The following NKAIN3 variants were observed in gnomAD, a reference collection of about 807,000 sequenced individuals.
NKAIN3 encodes sodium/potassium transporting ATPase interacting 3, also known as sodium/potassium-transporting ATPase subunit beta-1-interacting protein 3.
A neutral mutation model predicts 30.2 loss-of-function variants in NKAIN3; 25 were observed. The ratio of observed to expected loss-of-function variants is 0.83; its 90% confidence interval spans 0.60 to 1.16. The LOEUF (loss-of-function observed/expected upper bound fraction) is 1.16, where lower values mean the gene tolerates loss of function less well. Among genes scored for constraint, NKAIN3 ranks in the 50% most tolerant of loss-of-function variants. The pLI is 0.00. For synonymous variants in NKAIN3, 91 were observed against 89.6 expected, an observed-to-expected ratio of 1.02 and a Z score of -0.09; for missense variants, 225 against 254.1, an observed-to-expected ratio of 0.89 and a Z score of 0.78.
At chr8:62,299,567 T>C (rs1389699880) in intron 1 of NKAIN3, among the ~76,000 whole-genome samples, 2 of 152,310 alleles carry the variant, frequency 1.3e-5, no homozygotes, top group Non-Finnish European at 1.5e-5. Context: ...TATTTTATCA[T>C]TACCTTTTTT....
chr8:62,286,091 C>G (rs1813371264), intron 1 of NKAIN3, among the ~76,000 whole-genome samples: 1 of 152,054 alleles, frequency 6.6e-6, no homozygotes, highest in South Asian at 2.1e-4. Flanking sequence ...ATCAAAATGA[C>G]TTTAAAATAG....
At chr8:62,630,389 A>T (rs902578559) in intron 3 of NKAIN3, among the ~76,000 whole-genome samples, 4 of 152,154 alleles carry the variant, frequency 2.6e-5, no homozygotes, top group Non-Finnish European at 5.9e-5. Context: ...ACAGCAGACA[A>T]TTATAATGGG....
intron 4 of NKAIN3, among the ~76,000 whole-genome samples, chr8:62,843,712 G>A (rs2130763290): frequency 6.6e-6 from 1 of 152,204 alleles, no homozygotes; most frequent in Admixed American, 6.5e-5. Flanking sequence ...TAATAAATTT[G>A]TGCTTTTTAA....
intron 1 of NKAIN3, among the ~76,000 whole-genome samples, chr8:62,537,043 C>G (rs2129869977): frequency 6.6e-6 from 1 of 152,232 alleles, no homozygotes; most frequent in African/African-American, 2.4e-5. Context: ...GCATCAAGCC[C>G]TATAGCACTT....
intron 5 of NKAIN3, among the ~76,000 whole-genome samples, chr8:62,922,547 A>G (rs1170569823): frequency 6.6e-6 from 1 of 152,204 alleles, no homozygotes; most frequent in Non-Finnish European, 1.5e-5. Context: ...TTCAGAGTAG[A>G]AAACCAGTCC....
At position 62,579,261 on chromosome 8, in the gene NKAIN3, C is replaced by A. The variant is rs535408451; in HGVS notation, c.55-278C>A. 3.6e-4 allele frequency among the ~76,000 whole-genome samples: 54 copies of A among 151,974 alleles called. 1 individual carries two copies. The highest frequency in any genetic ancestry group is 3.4e-3 in the Middle Eastern group (1 of 294). ...AACATAAAAAATCTGTCTGGATTTTCTACTGTAGAAAATGATTTAAGAGGT... is the reference window on the plus strand; with the variant it reads ...AACATAAAAAATCTGTCTGGATTTTATACTGTAGAAAATGATTTAAGAGGT... On this transcript the variant is annotated intron_variant, in intron 1 of 6. Coordinates refer to ENST00000623646, the MANE Select transcript of NKAIN3 (RefSeq NM_001304533.3).
intron 4 of NKAIN3, among the ~76,000 whole-genome samples, chr8:62,868,961 C>G (rs147880733): frequency 9.2e-5 from 14 of 152,144 alleles, no homozygotes; most frequent in Non-Finnish European, 1.9e-4. Context: ...AGGATTAGAT[C>G]TTTTCTCCTT....
chr8:62,396,758 G>A (rs976401717), intron 1 of NKAIN3, among the ~76,000 whole-genome samples: 5 of 152,052 alleles, frequency 3.3e-5, no homozygotes, highest in African/African-American at 1.2e-4. Context: ...AACTATTCTT[G>A]TGTTAATCAC....
intron 1 of NKAIN3, among the ~76,000 whole-genome samples, chr8:62,345,394 C>CATATGTAT (rs1554669231): frequency 5.3e-4 from 6 of 11,356 alleles, no homozygotes; most frequent in African/African-American, 9.2e-4. Context: ...TATATACACA[C>CATATGTAT]ATATACACAT....
intron 1 of NKAIN3, among the ~76,000 whole-genome samples, chr8:62,334,653 T>C (rs1585692344): frequency 6.6e-6 from 1 of 152,106 alleles, no homozygotes; most frequent in East Asian, 1.9e-4. Context: ...ACATAACAAA[T>C]CACCCCAAAA....
At chr8:62,337,995 T>A (rs990416953) in intron 1 of NKAIN3, among the ~76,000 whole-genome samples, 6 of 152,018 alleles carry the variant, frequency 3.9e-5, no homozygotes, top group Non-Finnish European at 8.8e-5. Flanking sequence ...GGAAAAAACT[T>A]TTCACAAATT....
intron 3 of NKAIN3, among the ~76,000 whole-genome samples, chr8:62,674,539 A>G (rs1299292942): frequency 6.6e-6 from 1 of 152,246 alleles, no homozygotes; most frequent in African/African-American, 2.4e-5. Context: ...AGAGAATGGT[A>G]TCACTGTTGT....
chr8:62,894,931 A>G (rs1013728231), intron 4 of NKAIN3, among the ~76,000 whole-genome samples: 2 of 152,220 alleles, frequency 1.3e-5, no homozygotes, highest in Admixed American at 6.5e-5. Context: ...GAACAAAAGG[A>G]TATCACTCCC....
intron 1 of NKAIN3, among the ~76,000 whole-genome samples, chr8:62,427,194 T>G (rs1804833764): frequency 6.6e-6 from 1 of 152,074 alleles, no homozygotes; most frequent in African/African-American, 2.4e-5. Flanking sequence ...AGGTTAACTG[T>G]AAATTTAAAT....
At chr8:62,806,331 G>T (rs773213294) in intron 4 of NKAIN3, among the ~76,000 whole-genome samples, 13 of 152,164 alleles carry the variant, frequency 8.5e-5, no homozygotes, top group Admixed American at 1.3e-4. Flanking sequence ...TATAATCCAT[G>T]CTGCTATAAA....
intron 1 of NKAIN3, among the ~76,000 whole-genome samples, chr8:62,420,189 G>A (rs1052122738): frequency 6.6e-6 from 1 of 152,084 alleles, no homozygotes; most frequent in African/African-American, 2.4e-5. Flanking sequence ...TGTGAGAAGA[G>A]GGTAAATAAA....
chr8:62,675,915 A>G (rs1813462962), intron 3 of NKAIN3, among the ~76,000 whole-genome samples: 1 of 152,250 alleles, frequency 6.6e-6, no homozygotes, highest in Non-Finnish European at 1.5e-5. Flanking sequence ...TGTTTTCTCT[A>G]TTATCCTTTA....
At position 62,324,467 on chromosome 8, in the gene NKAIN3, A is replaced by G. The variant is rs150305111; in HGVS notation, c.54+75340A>G. Among the ~76,000 whole-genome samples the G allele has an allele frequency of 3.6e-4, 55 of 152,254 alleles. 1 individual carries two copies. The East Asian group carries it at 8.7e-3, about 24-fold the overall frequency. ...CTAATTTCAACTGACCTTTCTACCA[A>G]TAATTCAAAACCAAGATTGATTTCA... On this transcript the variant is annotated intron_variant, in intron 1 of 6. Coordinates refer to ENST00000623646, the MANE Select transcript of NKAIN3 (RefSeq NM_001304533.3).
At chr8:62,864,319 G>C in intron 4 of NKAIN3, 1 of 1,470,428 alleles carries the variant, frequency 6.8e-7, no homozygotes, top group South Asian at 1.2e-5. Context: ...CCCTGAGAAA[G>C]AAAACATTGA....
Sources: gnomAD v4.1 joint callset for allele counts (sites outside exome capture counted in the v4.1 genomes callset) on GRCh38, gnomAD v4.1.1 for gene constraint, MANE v1.5 for transcripts, NCBI Gene and HGNC (gene_info 2026-07-23, HGNC 2026-07-21) for gene names.